The following KRT6C variants were observed in gnomAD, a reference collection of about 807,000 sequenced individuals.
KRT6C encodes the protein keratin 6C.
KRT6C carries 46 observed loss-of-function variants against 49.4 expected under a neutral mutation model. That is an observed-to-expected ratio of 0.93 (90% CI 0.74 to 1.19). The LOEUF (loss-of-function observed/expected upper bound fraction) is 1.19. Ranked by LOEUF, KRT6C falls within the 50% of genes most tolerant of loss-of-function variation. KRT6C has a pLI of 0.00. For missense variants in KRT6C, 552 were observed against 737.5 expected (o/e 0.75, Z 2.91); for synonymous variants, 236 against 297.1 (o/e 0.79, Z 2.12).
chr12:52,470,142 A>T (rs1329406746), intron 6 of KRT6C: 3 of 618,358 alleles, frequency 4.9e-6, no homozygotes, highest in Non-Finnish European at 8.5e-6. Flanking sequence ...AATGGACCCA[A>T]AAACAAGCCA....
At chr12:52,471,347 A>C in intron 4 of KRT6C, 51 bp from the exon 5 acceptor site, 1 of 1,614,232 alleles carries the variant, frequency 6.2e-7, no homozygotes, top group South Asian at 1.1e-5. Context: ...ATTTACAGAG[A>C]TACCCAACCC....
Position 52,473,805 on chromosome 12 carries a change from C to A in KRT6C, c.-68G>T. On this transcript the variant is annotated 5_prime_UTR_variant, in exon 1 of 9. Coordinates refer to ENST00000252250, the MANE Select transcript of KRT6C (RefSeq NM_173086.5). Reference sequence around the variant, plus strand: ...GAGGCGAGAGGCAGGAGAAGCAGGACAAGGAATCGGGCTCCAGCAGTAGCT... The same window carrying A: ...GAGGCGAGAGGCAGGAGAAGCAGGAAAAGGAATCGGGCTCCAGCAGTAGCT... The A allele has an allele frequency of 2.5e-6, 4 of 1,610,206 alleles. No individual in the cohort carries two copies. Among genetic ancestry groups the A allele is most frequent in the Non-Finnish European group, 3.4e-6 (4 of 1,178,374 alleles).
Position 52,471,453 on chromosome 12 carries a change from C to G in KRT6C, c.880G>C (p.Glu294Gln). 10 of 1,613,912 alleles carry G rather than the reference C, an allele frequency of 6.2e-6. No homozygotes were observed. The highest frequency in any genetic ancestry group is 8.5e-6 in the Non-Finnish European group (10 of 1,179,888). ...TACAAGGCTCTCAGGAAGTTGATCT[C>G]ATCTGTGAGAGTGTCTGCCTTGGCT... The part of the protein sequence containing the change: ...LQAKADTLTD[E>Q]INFLRALYDA... Residue 294 changes from glutamate to glutamine, a missense_variant, in exon 4 of 9, where the codon GAG becomes CAG. Transcript: ENST00000252250.
intron 6 of KRT6C, 151 bp from the exon 7 acceptor site, chr12:52,470,041 G>T (rs1314509199): frequency 4.2e-6 from 4 of 946,624 alleles, no homozygotes; most frequent in East Asian, 5.2e-5. Context: ...GGCAATATTT[G>T]TCTAGTCTGG....
chr12:52,471,176 C>A lies in KRT6C; in HGVS notation c.1033G>T (p.Ala345Ser), dbSNP rs147558225. 1.5e-5 allele frequency: 25 copies of A among 1,614,050 alleles called. No homozygotes were observed. The African/African-American group carries it at 3.1e-4, about 20-fold the overall frequency. Residue 345 changes from alanine (A) to serine (S), a missense_variant, in exon 5 of 9, where the codon GCT (alanine) becomes TCT (serine). Ala to Ser is a moderately conservative substitution (Grantham distance 99). Transcript: ENST00000252250. ...TCAGCCTCAGCCCGGCTCCTCTGAG[C>A]AATCTCCTCGTATTGGGCCTTGACC... is the stretch of plus-strand genomic sequence containing the variant. ...AEVKAQYEEI[A>S]QRSRAEAESW...
In KRT6C at chr12:52,471,468, C is replaced by G; in HGVS notation, c.865G>C (p.Asp289His). ...MNKVELQAKA[D>H]TLTDEINFLR... Reference sequence around the variant, plus strand: ...AAGTTGATCTCATCTGTGAGAGTGTCTGCCTTGGCTTGCAGTTCAACCTTG... The same window carrying G: ...AAGTTGATCTCATCTGTGAGAGTGTGTGCCTTGGCTTGCAGTTCAACCTTG... The change falls in exon 4 of 9, where the codon GAC (aspartate) becomes CAC (histidine). Residue 289 changes from aspartate (D) to histidine (H), a missense_variant. Asp to His is a moderately conservative substitution (Grantham distance 81). Coordinates refer to ENST00000252250, the MANE Select transcript of KRT6C (RefSeq NM_173086.5). The G allele has an allele frequency of 6.2e-7, 1 of 1,613,876 alleles. No individual in the cohort carries two copies. The highest frequency in any genetic ancestry group is 8.5e-7 in the Non-Finnish European group (1 of 1,179,876).
At chr12:52,470,208 G>T (rs1379883836) in intron 6 of KRT6C, 1 of 598,638 alleles carries the variant, frequency 1.7e-6, no homozygotes, top group Non-Finnish European at 2.9e-6. Context: ...CTACAAGAAT[G>T]ATTTTGAGGA....
Position 52,471,173 on chromosome 12 carries a change from G to C in KRT6C, c.1036C>G (p.Gln346Glu). 1 of 1,614,142 alleles carries C rather than the reference G, an allele frequency of 6.2e-7. No homozygotes were observed. The highest frequency in any genetic ancestry group is 8.5e-7 in the Non-Finnish European group (1 of 1,180,020). The change falls in exon 5 of 9, where the codon CAG becomes GAG. Residue 346 changes from glutamine (Q) to glutamate (E), a missense_variant. Gln to Glu is a conservative substitution (Grantham distance 29). Transcript: ENST00000252250. The stretch of plus-strand genomic sequence containing the variant: ...GACTCAGCCTCAGCCCGGCTCCTCT[G>C]AGCAATCTCCTCGTATTGGGCCTTG... Reference protein sequence around the residue: ...EVKAQYEEIAQRSRAEAESWY... With the variant: ...EVKAQYEEIAERSRAEAESWY...
In KRT6C at chr12:52,471,457, T is replaced by G. The variant is rs374128835; in HGVS notation, c.876A>C (p.Thr292=). 93 of 1,613,852 alleles carry G rather than the reference T, an allele frequency of 5.8e-5. No individual in the cohort carries two copies. Among genetic ancestry groups the G allele is most frequent in the Non-Finnish European group, 7.5e-5 (89 of 1,179,896 alleles). ...AGGCTCTCAGGAAGTTGATCTCATC[T>G]GTGAGAGTGTCTGCCTTGGCTTGCA... ...VELQAKADTL[T]DEINFLRALY... is the part of the protein sequence containing the mutation. The change falls in exon 4 of 9, where the codon ACA becomes ACC. Residue 292 remains threonine (T), a synonymous_variant. Transcript: ENST00000252250.
At chr12:52,471,876 A>G (rs949500310) in intron 2 of KRT6C, 144 bp from the exon 3 acceptor site, 10 of 1,346,704 alleles carry the variant, frequency 7.4e-6, no homozygotes, top group Non-Finnish European at 1.1e-5. Flanking sequence ...GAGTTTTGCT[A>G]CTACTAAATT....
chr12:52,469,877 T>A lies in KRT6C; in HGVS notation c.1217A>T (p.Gln406Leu), dbSNP rs775130175. ...CTGCTCAGCATCAGCAATGGCAGCC[T>A]GCAGGCTGGCACACTAGGAGGGGAA... is the stretch of plus-strand genomic sequence containing the variant. ...DHVKKQCASL[Q>L]AAIADAEQRG... is the part of the protein sequence containing the mutation. The change falls in exon 7 of 9, where the codon CAG becomes CTG. Residue 406 changes from glutamine to leucine, a missense_variant. By Grantham distance (113) the Gln-to-Leu change is moderately radical. This residue lies in a region of KRT6C where 425 missense variants were observed against 439.4 expected (regional missense o/e 0.97). Coordinates refer to ENST00000252250, the MANE Select transcript of KRT6C (RefSeq NM_173086.5). 6.2e-7 allele frequency: 1 copy of A among 1,614,136 alleles called. No homozygotes were observed. The highest frequency in any genetic ancestry group is 8.5e-7 in the Non-Finnish European group (1 of 1,180,032).
In KRT6C at chr12:52,472,245, G is replaced by T. The variant is rs756690747; in HGVS notation, c.576C>A (p.Asp192Glu). The change falls in exon 2 of 9, where the codon GAC becomes GAA. Residue 192 changes from aspartate to glutamate, a missense_variant. Physicochemically the swap from Asp to Glu is conservative, Grantham distance 45. Transcript: ENST00000252250. ...GCTCCTGCAGCAGGGTCCACTTGGT[G>T]TCCAGAACCTTGTTCTGCTGCTCTA... ...RFLEQQNKVL[D>E]TKWTLLQEQG... 4.2e-6 allele frequency: 6 copies of T among 1,438,582 alleles called. No individual in the cohort carries two copies. The African/African-American group carries it at 6.7e-5, about 16-fold the overall frequency. 89.1% of individuals were successfully genotyped at this position (1,438,582 alleles called of 1,614,324 possible). A position where few individuals can be genotyped will look rare whatever the true frequency, so the allele number is the denominator to read the frequency against.
intron 3 of KRT6C, 36 bp downstream of exon 3, chr12:52,471,636 C>T (rs1395133696): frequency 1.2e-6 from 2 of 1,606,376 alleles, no homozygotes; most frequent in Non-Finnish European, 1.7e-6. Context: ...TTCTCTCCTT[C>T]TAAATGAATT....
Position 52,469,448 on chromosome 12 carries a change from G to A in KRT6C, c.1425-3C>T. 4 of 1,613,982 alleles carry A rather than the reference G, an allele frequency of 2.5e-6. No individual in the cohort carries two copies. The highest frequency in any genetic ancestry group is 3.4e-6 in the Non-Finnish European group (4 of 1,179,858). On this transcript the variant is annotated splice_polypyrimidine_tract_variant and splice_region_variant and intron_variant, in intron 7 of 8. Coordinates refer to ENST00000252250, the MANE Select transcript of KRT6C (RefSeq NM_173086.5). ...GTCCAACGCCTTCGCCATTCAGCCTGTGGAGAGGAACACAGGGAGGGTGAG... is the reference window on the plus strand; with the variant it reads ...GTCCAACGCCTTCGCCATTCAGCCTATGGAGAGGAACACAGGGAGGGTGAG...
chr12:52,470,786 A>G (rs1294824020), intron 5 of KRT6C, among the ~76,000 whole-genome samples, 156 bp from the exon 6 acceptor site: 16 of 152,034 alleles, frequency 1.1e-4, no homozygotes, highest in Admixed American at 1.0e-3. Context: ...GGTGGATACT[A>G]AACTCTGGAG....
chr12:52,471,316 A>C lies in KRT6C; in HGVS notation c.913-20T>G. On this transcript the variant is annotated intron_variant, in intron 4 of 8. Transcript: ENST00000252250. ...CAGCTCCTGCAGAACAGAAGGTCAT[A>C]AGATCAACTTCACATCTGACATTTA... is the stretch of plus-strand genomic sequence containing the variant. The C allele has an allele frequency of 6.2e-7, 1 of 1,614,208 alleles. No individual in the cohort carries two copies.
At position 52,470,599 on chromosome 12, in the gene KRT6C, T is replaced by C. The variant is rs1396038226; in HGVS notation, c.1109A>G (p.His370Arg). The part of the protein sequence containing the change: ...YEELQVTAGR[H>R]GDDLRNTKQE... Reference sequence around the variant, plus strand: ...CTTGGTGTTGCGCAGGTCGTCCCCATGTCTGCCTGCTGTGACCTGCAGCTC... The same window carrying C: ...CTTGGTGTTGCGCAGGTCGTCCCCACGTCTGCCTGCTGTGACCTGCAGCTC... The change falls in exon 6 of 9, where the codon CAT (histidine) becomes CGT (arginine). Residue 370 changes from histidine to arginine, a missense_variant. His to Arg is a conservative substitution (Grantham distance 29). Transcript: ENST00000252250. The C allele has an allele frequency of 7.4e-6, 12 of 1,614,028 alleles. No individual in the cohort carries two copies. Among genetic ancestry groups the C allele is most frequent in the Non-Finnish European group, 1.0e-5 (12 of 1,180,000 alleles).
At chr12:52,469,979 A>G (rs1175567098) in intron 6 of KRT6C, 89 bp from the exon 7 acceptor site, 14 of 1,414,528 alleles carry the variant, frequency 9.9e-6, no homozygotes, top group Non-Finnish European at 1.4e-5. Flanking sequence ...CCTGTAACCC[A>G]AAATTGACAG....
In KRT6C at chr12:52,472,625, A is replaced by C. The variant is rs1489537445; in HGVS notation, c.541-345T>G. Among the ~76,000 whole-genome samples, 33 of 134,988 alleles carry C rather than the reference A, an allele frequency of 2.4e-4. 6 individuals are homozygous for C. The highest frequency in any genetic ancestry group is 5.3e-4 in the Non-Finnish European group (31 of 58,116). 88.6% of individuals were successfully genotyped at this position (134,988 alleles called of 152,430 possible). A position where few individuals can be genotyped will look rare whatever the true frequency, so the allele number is the denominator to read the frequency against. On this transcript the variant is annotated intron_variant, in intron 1 of 8. Transcript: ENST00000252250. ...TGTACACAGTTTTTTTACTGATAGGATCTTAGTTAGGAGAGATATTATATG... is the reference window on the plus strand; with the variant it reads ...TGTACACAGTTTTTTTACTGATAGGCTCTTAGTTAGGAGAGATATTATATG...
Sources: gnomAD v4.1 joint callset for allele counts (sites outside exome capture counted in the v4.1 genomes callset) on GRCh38, gnomAD v4.1.1 for gene constraint, gnomAD v4.1.1 regional missense constraint, MANE v1.5 for transcripts, NCBI Gene and HGNC (gene_info 2026-07-23, HGNC 2026-07-21) for gene names.